ANO2: variants seen among roughly 807,000 people sequenced by gnomAD.
ANO2 encodes the protein anoctamin-2.
A neutral mutation model predicts 124.2 loss-of-function variants in ANO2; 101 were observed. The ratio of observed to expected loss-of-function variants is 0.81; its 90% CI spans 0.69 to 0.96. The LOEUF (loss-of-function observed/expected upper bound fraction) is 0.96. ANO2 is among the 40% of genes least tolerant of loss of function. The probability of loss-of-function intolerance (pLI) is 0.00; values close to 1 mark genes in which losing one functional copy is unlikely to be tolerated. For missense variants in ANO2, 1,293 were observed against 1,274.5 expected (o/e 1.01, Z -0.22); for synonymous variants, 486 against 482.5 (o/e 1.01, Z -0.09).
chr12:5,767,818 CTGGCCCACAGGCTG>C (rs1254474283), intron 10 of ANO2, among the ~76,000 whole-genome samples: 8 of 152,154 alleles, frequency 5.3e-5, no homozygotes, highest in African/African-American at 1.9e-4. Flanking sequence ...GAGGGCCTCT[CTGGCCCACAGGCTG>C]TGGCTGGGAA....
rs58222174 is a variant in ANO2 at position 5,923,196 on chromosome 12, G to A, written c.23-392C>T. 3.0e-3 allele frequency among the ~76,000 whole-genome samples: 103 copies of A among 34,284 alleles called. 2 individuals are homozygous for A. The highest frequency in any genetic ancestry group is 5.6e-3 in the Non-Finnish European group (62 of 11,120). The allele number at this position is 34,284 out of a possible 152,430, so 22.5% of individuals were successfully genotyped here. A position where few individuals can be genotyped will look rare whatever the true frequency, so the allele number is the denominator to read the frequency against. On this transcript the variant is annotated intron_variant, in intron 1 of 24. Transcript: ENST00000682330. Reference sequence around the variant, plus strand: ...CACGCACACACACATACACACACACGCACGCACACACACCCACATACACAC... The same window carrying A: ...CACGCACACACACATACACACACACACACGCACACACACCCACATACACAC...
intron 7 of ANO2, among the ~76,000 whole-genome samples, chr12:5,814,611 T>G (rs1953543828): frequency 6.6e-6 from 1 of 152,258 alleles, no homozygotes; most frequent in Non-Finnish European, 1.5e-5. Context: ...TTTTCTGTCT[T>G]CCGTAACTAG....
chr12:5,752,459 T>C (rs1951466829), intron 10 of ANO2, among the ~76,000 whole-genome samples: 1 of 152,232 alleles, frequency 6.6e-6, no homozygotes. Context: ...TGATGAATTG[T>C]GACATTAAAC....
chr12:5,783,485 C>T lies in ANO2; in HGVS notation c.1055+16022G>A, dbSNP rs571257504. Reference sequence around the variant, plus strand: ...ACGGGGAACAGAAAGAGATGAAACACAAACAAGCCAACCCAGCTCTTAGGA... The same window carrying T: ...ACGGGGAACAGAAAGAGATGAAACATAAACAAGCCAACCCAGCTCTTAGGA... On this transcript the variant is annotated intron_variant, in intron 10 of 24. Coordinates refer to ENST00000682330, the MANE Select transcript of ANO2 (RefSeq NM_001364791.2). Among the ~76,000 whole-genome samples, 5 of 152,340 alleles carry T rather than the reference C, an allele frequency of 3.3e-5. No homozygotes were observed. The Middle Eastern group carries it at 0.01, about 311-fold the overall frequency.
chr12:5,813,459 T>C (rs1477335012), intron 7 of ANO2, among the ~76,000 whole-genome samples: 2 of 152,226 alleles, frequency 1.3e-5, no homozygotes, highest in Admixed American at 6.5e-5. Context: ...ATTCAGCAAA[T>C]GTGGCATGGG....
At chr12:5,614,917 G>T (rs1944723915) in intron 17 of ANO2, among the ~76,000 whole-genome samples, 2 of 152,186 alleles carry the variant, frequency 1.3e-5, no homozygotes. Flanking sequence ...CATCCTCAAA[G>T]TTGAGAGACA....
At chr12:5,749,415 T>G (rs1355709325) in intron 11 of ANO2, among the ~76,000 whole-genome samples, 1 of 152,224 alleles carries the variant, frequency 6.6e-6, no homozygotes, top group Admixed American at 6.5e-5. Context: ...TATAAAGCTC[T>G]AAGGTGTAAC....
At chr12:5,665,867 C>T (rs997509531) in intron 14 of ANO2, among the ~76,000 whole-genome samples, 2 of 152,110 alleles carry the variant, frequency 1.3e-5, no homozygotes, top group Non-Finnish European at 2.9e-5. Context: ...CAGAGCCACC[C>T]CCCTGTGCCA....
intron 14 of ANO2, among the ~76,000 whole-genome samples, chr12:5,654,590 A>T (rs4930742): frequency 0.12 from 17,655 of 152,000 alleles, 1,083 homozygotes; most frequent in Middle Eastern, 0.18. Context: ...GTACTTTGTG[A>T]TTATCATCTG....
At chr12:5,716,993 A>C (rs1950048181) in intron 14 of ANO2, among the ~76,000 whole-genome samples, 1 of 152,236 alleles carries the variant, frequency 6.6e-6, no homozygotes, top group Admixed American at 6.5e-5. Flanking sequence ...AATGCTGGAA[A>C]AACCTGAGAA....
chr12:5,805,605 G>C (rs1001217591), intron 9 of ANO2, among the ~76,000 whole-genome samples: 14 of 152,210 alleles, frequency 9.2e-5, no homozygotes, highest in African/African-American at 3.1e-4. Context: ...TAATGGCATG[G>C]ATCATCACAT....
chr12:5,845,660 C>T lies in ANO2; in HGVS notation c.633+8383G>A, dbSNP rs1954660113. On this transcript the variant is annotated intron_variant, in intron 4 of 24. Transcript: ENST00000682330. ...ATGCCATTCTAGACCACACTATCCA[C>T]TACCTCAAGTCCAGTTATGGATTTT... Among the ~76,000 whole-genome samples, 6 of 152,026 alleles carry T rather than the reference C, an allele frequency of 3.9e-5. No individual in the cohort carries two copies. The South Asian group carries it at 6.2e-4, about 16-fold the overall frequency.
At chr12:5,940,732 AC>A (rs1460476689) in intron 1 of ANO2, among the ~76,000 whole-genome samples, 2 of 152,206 alleles carry the variant, frequency 1.3e-5, no homozygotes, top group Non-Finnish European at 1.5e-5. Flanking sequence ...TAAACATATG[AC>A]CCAGCAATTC....
At chr12:5,926,141 C>T (rs1942067968) in intron 1 of ANO2, among the ~76,000 whole-genome samples, 1 of 152,222 alleles carries the variant, frequency 6.6e-6, no homozygotes, top group Non-Finnish European at 1.5e-5. Flanking sequence ...AGCTGGAAAT[C>T]TAGAAGCAGC....
In ANO2 at chr12:5,827,803, C is replaced by G; in HGVS notation, c.858G>C (p.Lys286Asn). 3 of 1,611,562 alleles carry G rather than the reference C, an allele frequency of 1.9e-6. No individual in the cohort carries two copies. The highest frequency in any genetic ancestry group is 2.5e-6 in the Non-Finnish European group (3 of 1,179,052). The change falls in exon 7 of 25, where the codon AAG becomes AAC. Residue 286 changes from lysine to asparagine, a missense_variant. Coordinates refer to ENST00000682330, the MANE Select transcript of ANO2 (RefSeq NM_001364791.2). ...TGTTGGCTCGGGAGCAGGCTGTGCGCTTCAGGATCTCGTGCACCTAAAAGG... is the reference window on the plus strand; with the variant it reads ...TGTTGGCTCGGGAGCAGGCTGTGCGGTTCAGGATCTCGTGCACCTAAAAGG... ...TRSRIVHEILKRTACSRANNT... is the reference protein window; with the variant it reads ...TRSRIVHEILNRTACSRANNT...
intron 14 of ANO2, among the ~76,000 whole-genome samples, chr12:5,718,937 G>C (rs1163113341): frequency 6.6e-6 from 1 of 152,208 alleles, no homozygotes; most frequent in African/African-American, 2.4e-5. Flanking sequence ...ACCTCCTACT[G>C]ATGGGAGGTA....
At chr12:5,738,380 C>G (rs967831628) in intron 13 of ANO2, among the ~76,000 whole-genome samples, 2 of 152,220 alleles carry the variant, frequency 1.3e-5, no homozygotes, top group Non-Finnish European at 2.9e-5. Flanking sequence ...CATGCAGCCA[C>G]CTTACTGCTG....
At chr12:5,812,491 AG>A (rs1953435370) in intron 7 of ANO2, among the ~76,000 whole-genome samples, 2 of 103,916 alleles carry the variant, frequency 1.9e-5, no homozygotes, top group Admixed American at 2.2e-4. Context: ...GAAGGAAGGA[AG>A]GAAGAAAGGG....
At chr12:5,903,477 A>G (rs1184036071) in intron 3 of ANO2, among the ~76,000 whole-genome samples, 1 of 152,232 alleles carries the variant, frequency 6.6e-6, no homozygotes, top group African/African-American at 2.4e-5. Context: ...GATGTGAAGT[A>G]TCATATAATT....
Sources: allele counts gnomAD v4.1 joint callset (sites outside exome capture counted in the v4.1 genomes callset), GRCh38; gene constraint gnomAD v4.1.1; transcripts MANE v1.5; gene names NCBI Gene and HGNC (gene_info 2026-07-23, HGNC 2026-07-21).